Variants in ERCC6 observed in about 807,000 individuals in gnomAD.
ERCC6 encodes the protein DNA excision repair protein ERCC-6.
In ERCC6, 116 loss-of-function variants were observed where a neutral mutation model predicts 158.7. That is an observed-to-expected ratio of 0.73 (90% CI 0.63 to 0.85). The LOEUF is 0.85. ERCC6 is among the 40% of genes least tolerant of loss of function. ERCC6 has a pLI of 0.00. For synonymous variants in ERCC6, 678 were observed against 659.3 expected (o/e 1.03, Z -0.43); for missense variants, 1,698 against 1,799.4 (o/e 0.94, Z 1.02).
At chr10:49,535,383 C>A (rs1230430196) in intron 1 of ERCC6, among the ~76,000 whole-genome samples, 5 of 152,108 alleles carry the variant, frequency 3.3e-5, no homozygotes, top group Non-Finnish European at 7.3e-5. Context: ...TACCTAAGGT[C>A]ATTTTGGAGG....
At chr10:49,473,825 A>G (rs1355364704) in intron 13 of ERCC6, among the ~76,000 whole-genome samples, 3 of 152,224 alleles carry the variant, frequency 2.0e-5, no homozygotes, top group Non-Finnish European at 1.5e-5. Context: ...CTAGAATCAC[A>G]TGGTGAGCTT....
At chr10:49,448,414 G>C in the ERCC6 span, among the ~76,000 whole-genome samples, 9 of 151,932 alleles carry the variant, frequency 5.9e-5, no homozygotes, top group Admixed American at 3.9e-4. Context: ...AATTTATCTT[G>C]CACCTTATGT....
In ERCC6 at chr10:49,456,726, C is replaced by T. The variant is rs1850489527; in HGVS notation, c.*2089G>A. On this transcript the variant is annotated 3_prime_UTR_variant, in exon 21 of 21. Coordinates refer to ENST00000355832, the MANE Select transcript of ERCC6 (RefSeq NM_000124.4). ...ATACATTAAATCTATTTACACTGTACAAAGCTTTTAAAGTTCTAAAAATCA... is the reference window on the plus strand; with the variant it reads ...ATACATTAAATCTATTTACACTGTATAAAGCTTTTAAAGTTCTAAAAATCA... 6.6e-6 allele frequency: 1 copy of T among 152,154 alleles called. No individual in the cohort carries two copies. 9.4% of individuals were successfully genotyped at this position (152,154 alleles called of 1,614,324 possible).
At chr10:49,532,395 G>A in intron 2 of ERCC6, 148 bp downstream of exon 2, 7 of 1,254,034 alleles carry the variant, frequency 5.6e-6, no homozygotes, top group Non-Finnish European at 7.8e-6. Context: ...CAAAGATGAG[G>A]TTGAGGACTG....
At chr10:49,522,135 G>A (rs1237303931) in intron 5 of ERCC6, among the ~76,000 whole-genome samples, 1 of 152,162 alleles carries the variant, frequency 6.6e-6, no homozygotes, top group African/African-American at 2.4e-5. Context: ...TAAACTCTAT[G>A]ACTTTATTCT....
chr10:49,505,124 C>T (rs765297832), intron 6 of ERCC6: 2 of 152,122 alleles, frequency 1.3e-5, no homozygotes, highest in African/African-American at 2.4e-5. Flanking sequence ...GGTTTAACTT[C>T]CTATATGCAT....
intron 1 of ERCC6, among the ~76,000 whole-genome samples, chr10:49,534,725 C>T (rs1837558188): frequency 6.6e-6 from 1 of 152,162 alleles, no homozygotes; most frequent in South Asian, 2.1e-4. Context: ...TATTAAAAAG[C>T]AAAACGATAA....
Position 49,493,129 on chromosome 10 carries a change from A to G in ERCC6, c.1809T>C (p.Tyr603=), listed in dbSNP as rs1461837458. ...RVAILHETGS[Y]THKKEKLIRD... ...AATATTGTGTTACCTTTTTGTGGGT[A>G]TAGGAACCGGTTTCATGTAGAATTG... Residue 603 remains tyrosine (Y), a synonymous_variant, in exon 8 of 21, where the codon TAT becomes TAC. Transcript: ENST00000355832. 2 of 1,614,044 alleles carry G rather than the reference A, an allele frequency of 1.2e-6. No individual in the cohort carries two copies. The highest frequency in any genetic ancestry group is 2.2e-5 in the South Asian group (2 of 91,066).
At chr10:49,527,760 A>C (rs963482878) in intron 4 of ERCC6, among the ~76,000 whole-genome samples, 16 of 152,366 alleles carry the variant, frequency 1.1e-4, no homozygotes, top group African/African-American at 3.8e-4. Flanking sequence ...TAAAGCTAGT[A>C]GAAAATAGTT....
At chr10:49,516,143 T>C in intron 5 of ERCC6, 2 of 1,614,158 alleles carry the variant, frequency 1.2e-6, no homozygotes, top group Non-Finnish European at 8.5e-7. Flanking sequence ...CGACACCATA[T>C]TCCTCATGTT....
chr10:49,536,428 G>T (rs888853597), intron 1 of ERCC6, among the ~76,000 whole-genome samples: 6 of 152,164 alleles, frequency 3.9e-5, no homozygotes, highest in African/African-American at 1.4e-4. Context: ...AAATGAACAG[G>T]AGGCACAACA....
At chr10:49,439,480 A>C in the ERCC6 span, among the ~76,000 whole-genome samples, 3 of 152,176 alleles carry the variant, frequency 2.0e-5, no homozygotes, top group South Asian at 6.2e-4. Flanking sequence ...CAGCCCATGA[A>C]ACCACTTTTT....
chr10:49,476,493 C>T (rs1850880427), intron 11 of ERCC6, among the ~76,000 whole-genome samples, 183 bp from the exon 12 acceptor site: 1 of 152,046 alleles, frequency 6.6e-6, no homozygotes, highest in Non-Finnish European at 1.5e-5. Flanking sequence ...CTCACCAGCC[C>T]CTCCATCTCT....
In ERCC6 at chr10:49,532,538, C is replaced by T. The variant is rs746555352; in HGVS notation, c.422+5G>A. The T allele has an allele frequency of 1.2e-6, 2 of 1,613,590 alleles. No individual in the cohort carries two copies. Among genetic ancestry groups the T allele is most frequent in the Admixed American group, 3.3e-5 (2 of 60,030 alleles). ...TTTGAAAGGAAGAAGATGGGCTGCA[C>T]TCACGTGAGGTCATCCAGGACCGAC... On this transcript the variant is annotated splice_donor_5th_base_variant and intron_variant, in intron 2 of 20. Coordinates refer to ENST00000355832, the MANE Select transcript of ERCC6 (RefSeq NM_000124.4).
At chr10:49,516,506 T>C (rs1654680343) in intron 5 of ERCC6, 2 of 1,614,180 alleles carry the variant, frequency 1.2e-6, no homozygotes, top group Non-Finnish European at 1.7e-6. Flanking sequence ...CTGTTCTTTG[T>C]TCCCAAAACA....
At chr10:49,516,601 G>GTACA in intron 5 of ERCC6, 1 of 1,614,044 alleles carries the variant, frequency 6.2e-7, no homozygotes, top group Non-Finnish European at 8.5e-7. Context: ...AAGCCAAGAT[G>GTACA]TACACCTTTA....
At position 49,493,456 on chromosome 10, in the gene ERCC6, T is replaced by A. The variant is rs745774078; in HGVS notation, c.1686-204A>T. Among the ~76,000 whole-genome samples, 8 of 152,222 alleles carry A rather than the reference T, an allele frequency of 5.3e-5. No homozygotes were observed. The South Asian group carries it at 6.2e-4, about 12-fold the overall frequency. ...AAATCTCCATAATCTCATTCATCAA[T>A]TAGTGGATGTAGGTGTTAAGAGAAA... is the stretch of plus-strand genomic sequence containing the variant. On this transcript the variant is annotated intron_variant, in intron 7 of 20. Coordinates refer to ENST00000355832, the MANE Select transcript of ERCC6 (RefSeq NM_000124.4).
rs751502384 is a variant in ERCC6, at chr10:49,515,825, G to A, written c.1397+8208C>T. 5 of 1,613,980 alleles carry A rather than the reference G, an allele frequency of 3.1e-6. No homozygotes were observed. The East Asian group carries it at 1.1e-4, about 36-fold the overall frequency. ...GGGAGTAACGACTGACAAGACACAG[G>A]GGATGGATACCAGCACCAGATGAGG... On this transcript the variant is annotated intron_variant, in intron 5 of 20. Transcript: ENST00000355832.
chr10:49,513,629 G>A (rs1304211338), intron 5 of ERCC6, among the ~76,000 whole-genome samples: 4 of 152,216 alleles, frequency 2.6e-5, no homozygotes, highest in East Asian at 3.9e-4. Context: ...TTCACAAGGC[G>A]GCAGGAGGAA....
Sources: allele counts gnomAD v4.1 joint callset (sites outside exome capture counted in the v4.1 genomes callset), GRCh38; gene constraint gnomAD v4.1.1; transcripts MANE v1.5; gene names NCBI Gene and HGNC (gene_info 2026-07-23, HGNC 2026-07-21).